The following KDM4A variants were observed in gnomAD, a reference collection of about 807,000 sequenced individuals.
The protein encoded by KDM4A is lysine-specific demethylase 4A.
Under a neutral mutation model 127.1 loss-of-function variants are expected in KDM4A, and 23 were observed. That is an observed-to-expected ratio of 0.18 (90% CI 0.13 to 0.26). The LOEUF is 0.26. Among genes scored for constraint, KDM4A ranks in the 10% least tolerant of loss-of-function variants. The pLI is 1.00. For missense variants in KDM4A, 890 were observed against 1,329.1 expected, an observed-to-expected ratio of 0.67 and a Z score of 5.14; for synonymous variants, 443 against 466.5, an observed-to-expected ratio of 0.95 and a Z score of 0.65.
chr1:43,669,952 C>T (rs909553489), intron 10 of KDM4A, among the ~76,000 whole-genome samples: 1 of 152,164 alleles, frequency 6.6e-6, no homozygotes, highest in Non-Finnish European at 1.5e-5. Context: ...CCACTGTTCC[C>T]AGCAGAGATG....
intron 16 of KDM4A, 141 bp downstream of exon 16, chr1:43,692,452 A>G: frequency 1.4e-6 from 1 of 720,916 alleles, no homozygotes; most frequent in East Asian, 2.7e-5. Context: ...TAGCATCTCC[A>G]AGACTCATTT....
In KDM4A at chr1:43,686,151, G is replaced by GTTTTTTTT. The variant is rs35512755; in HGVS notation, c.1855+2361_1855+2368dup. On this transcript the variant is annotated intron_variant, in intron 12 of 21. Coordinates refer to ENST00000372396, the MANE Select transcript of KDM4A (RefSeq NM_014663.3). ...CTCCCCCTACTTTTTTTTGTTTCTTGTTTTTTTTTTTTTTTTTTTTTGAGA... is the reference window on the plus strand; with the variant it reads ...CTCCCCCTACTTTTTTTTGTTTCTTGTTTTTTTTTTTTTTTTTTTTTTTTTTTTTGAGA... Among the ~76,000 whole-genome samples, 279 of 97,868 alleles carry GTTTTTTTT rather than the reference G, an allele frequency of 2.9e-3. 1 individual carries two copies. Among genetic ancestry groups the GTTTTTTTT allele is most frequent in the Non-Finnish European group, 3.8e-3 (197 of 52,400 alleles). The allele number at this position is 97,868 out of a possible 152,430, so 64.2% of individuals were successfully genotyped here.
Position 43,690,907 on chromosome 1 carries a change from G to A in KDM4A, c.2100G>A (p.Gln700=). ...CTTCAGATTTAGCCCCCCAGAAGCA[G>A]AGGACCAAGCCATTGATTCCAGAAA... The part of the protein sequence containing the change: ...GNASDLAPQK[Q]RTKPLIPEMC... Residue 700 remains glutamine, a synonymous_variant, in exon 14 of 22, where the codon CAG becomes CAA. Coordinates refer to ENST00000372396, the MANE Select transcript of KDM4A (RefSeq NM_014663.3). The A allele has an allele frequency of 6.2e-7, 1 of 1,614,238 alleles. No homozygotes were observed. The highest frequency in any genetic ancestry group is 8.5e-7 in the Non-Finnish European group (1 of 1,180,034).
intron 18 of KDM4A, among the ~76,000 whole-genome samples, chr1:43,697,516 C>G (rs550152379): frequency 6.6e-6 from 1 of 152,202 alleles, no homozygotes; most frequent in Non-Finnish European, 1.5e-5. Flanking sequence ...ACTTTGATGT[C>G]AGTTCTTGGC....
At chr1:43,669,340 A>G (rs1400759947) in intron 10 of KDM4A, 41 bp downstream of exon 10, 4 of 1,582,666 alleles carry the variant, frequency 2.5e-6, no homozygotes, top group Non-Finnish European at 3.5e-6. Context: ...CCTAACTCAT[A>G]TATGTGTCCC....
At chr1:43,700,817 C>A (rs1045811688) in intron 19 of KDM4A, among the ~76,000 whole-genome samples, 13 of 151,452 alleles carry the variant, frequency 8.6e-5, no homozygotes, top group African/African-American at 3.2e-4. Flanking sequence ...CTGAATGGAT[C>A]TTTCACCCAT....
chr1:43,665,852 G>T, intron 6 of KDM4A, 107 bp downstream of exon 6: 1 of 1,136,620 alleles, frequency 8.8e-7, no homozygotes, highest in Non-Finnish European at 1.3e-6. Context: ...AGGTCCTGTT[G>T]CAGGCCTGCA....
intron 1 of KDM4A, 61 bp from the exon 2 acceptor site, chr1:43,653,076 A>G: frequency 1.2e-6 from 1 of 813,960 alleles, no homozygotes; most frequent in Non-Finnish European, 1.8e-6. Context: ...TTCAGAGTTG[A>G]TGTTTCCAGC....
At chr1:43,672,466 C>T (rs1374487556) in intron 11 of KDM4A, among the ~76,000 whole-genome samples, 3 of 151,724 alleles carry the variant, frequency 2.0e-5, no homozygotes, top group African/African-American at 7.3e-5. Flanking sequence ...GGATTACAGG[C>T]GTGAGCCACT....
At chr1:43,672,462 C>T (rs1219221469) in intron 11 of KDM4A, among the ~76,000 whole-genome samples, 2 of 151,898 alleles carry the variant, frequency 1.3e-5, no homozygotes, top group Non-Finnish European at 2.9e-5. Context: ...GGTGGGATTA[C>T]AGGCGTGAGC....
At chr1:43,697,796 C>CTCACA (rs1557921183) in intron 18 of KDM4A, 47 bp from the exon 19 acceptor site, 2 of 1,565,608 alleles carry the variant, frequency 1.3e-6, no homozygotes. Flanking sequence ...ATATGCCAGG[C>CTCACA]CTGCAAACTC....
Position 43,653,181 on chromosome 1 carries a change from T to C in KDM4A, c.6T>C (p.Ala2=). The change falls in exon 2 of 22, where the codon GCT becomes GCC. Residue 2 remains alanine, a synonymous_variant. Transcript: ENST00000372396. ...GACCTCAAAAAGGAGGGAAAATGGC[T>C]TCTGAGTCTGAAACTCTGAATCCCA... M[A]SESETLNPSA... is the part of the protein sequence containing the mutation. 6.2e-7 allele frequency: 1 copy of C among 1,611,658 alleles called. No homozygotes were observed. Among genetic ancestry groups the C allele is most frequent in the Non-Finnish European group, 8.5e-7 (1 of 1,178,676 alleles).
chr1:43,671,488 G>A lies in KDM4A; in HGVS notation c.1364-17G>A, dbSNP rs1660616478. ...CAGGAGGAACTTGGCTCTGTCTAATGTGTATGTGTGTTTCAGATTATTCTG... is the reference window on the plus strand; with the variant it reads ...CAGGAGGAACTTGGCTCTGTCTAATATGTATGTGTGTTTCAGATTATTCTG... On this transcript the variant is annotated splice_polypyrimidine_tract_variant and intron_variant, in intron 10 of 21. Coordinates refer to ENST00000372396, the MANE Select transcript of KDM4A (RefSeq NM_014663.3). 2 of 1,536,258 alleles carry A rather than the reference G, an allele frequency of 1.3e-6. No individual in the cohort carries two copies. Among genetic ancestry groups the A allele is most frequent in the Admixed American group, 2.1e-5 (1 of 48,552 alleles).
At chr1:43,699,069 G>A (rs1023837020) in intron 19 of KDM4A, among the ~76,000 whole-genome samples, 2 of 151,084 alleles carry the variant, frequency 1.3e-5, no homozygotes, top group East Asian at 1.9e-4. Flanking sequence ...GATTACAGGC[G>A]TGAGCCACTG....
intron 13 of KDM4A, chr1:43,690,495 G>T: frequency 2.9e-6 from 1 of 349,544 alleles, no homozygotes; most frequent in South Asian, 2.5e-5. Context: ...TGATCCACCC[G>T]CCTCGGCCTC....
intron 4 of KDM4A, among the ~76,000 whole-genome samples, chr1:43,662,201 A>G (rs1394484240): frequency 6.7e-6 from 1 of 149,338 alleles, no homozygotes; most frequent in Non-Finnish European, 1.5e-5. Flanking sequence ...CACCTGGCCC[A>G]CTGTCATAGT....
intron 11 of KDM4A, among the ~76,000 whole-genome samples, chr1:43,682,932 T>C (rs1660890420): frequency 6.6e-6 from 1 of 152,232 alleles, no homozygotes; most frequent in Admixed American, 6.5e-5. Flanking sequence ...TATAACCAAG[T>C]TTTAAATACG....
chr1:43,676,126 A>G lies in KDM4A; in HGVS notation c.1734+4251A>G, dbSNP rs1660736486. On this transcript the variant is annotated intron_variant, in intron 11 of 21. Transcript: ENST00000372396. ...AAAAAAGCAAGAAAGAAATGCACACACAAAGATTCAGAGGGAGGCCACGCA... is the reference window on the plus strand; with the variant it reads ...AAAAAAGCAAGAAAGAAATGCACACGCAAAGATTCAGAGGGAGGCCACGCA... Among the ~76,000 whole-genome samples the G allele has an allele frequency of 3.3e-5, 5 of 150,168 alleles. No homozygotes were observed. The South Asian group carries it at 1.1e-3, about 32-fold the overall frequency.
At chr1:43,656,827 G>C (rs1456182973) in intron 3 of KDM4A, among the ~76,000 whole-genome samples, 2 of 151,692 alleles carry the variant, frequency 1.3e-5, no homozygotes, top group African/African-American at 4.8e-5. Flanking sequence ...CCGGGTTCAA[G>C]CAATTCTCCT....
Sources: gnomAD v4.1 joint callset for allele counts (sites outside exome capture counted in the v4.1 genomes callset) on GRCh38, gnomAD v4.1.1 for gene constraint, MANE v1.5 for transcripts, NCBI Gene and HGNC (gene_info 2026-07-23, HGNC 2026-07-21) for gene names.